Variants in MPZL1 observed in about 807,000 individuals in gnomAD.
MPZL1 encodes myelin protein zero like 1, also known as myelin protein zero-like protein 1.
In MPZL1, 16 loss-of-function variants were observed where a neutral mutation model predicts 29.3. The ratio of observed to expected loss-of-function variants is 0.55; its 90% CI spans 0.37 to 0.83. MPZL1 has a LOEUF of 0.83. MPZL1 is among the 40% of genes least tolerant of loss of function. The probability of loss-of-function intolerance (pLI) is 0.00; values close to 1 mark genes in which losing one functional copy is unlikely to be tolerated. For synonymous variants in MPZL1, 143 were observed against 132.0 expected (o/e 1.08, Z -0.57); for missense variants, 279 against 332.9 (o/e 0.84, Z 1.26).
At chr1:167,737,284 G>A (rs10918754) in intron 1 of MPZL1, among the ~76,000 whole-genome samples, 24,396 of 152,142 alleles carry the variant, frequency 0.16, 2,083 homozygotes, top group East Asian at 0.2. Context: ...TCAGAGCAGA[G>A]AGGGTGAAAA....
intron 3 of MPZL1, 42 bp from the exon 4 acceptor site, chr1:167,773,194 T>G (rs1473766651): frequency 6.3e-7 from 1 of 1,583,736 alleles, no homozygotes; most frequent in Non-Finnish European, 8.6e-7. Flanking sequence ...GTTTTCTCTC[T>G]GTAGCAATGT....
chr1:167,736,199 A>G (rs141204645), intron 1 of MPZL1, among the ~76,000 whole-genome samples: 104 of 152,120 alleles, frequency 6.8e-4, no homozygotes, highest in South Asian at 1.2e-3. Flanking sequence ...TGTGGCCCCA[A>G]TGTTGATTTT....
intron 1 of MPZL1, among the ~76,000 whole-genome samples, chr1:167,753,750 C>T (rs1970792): frequency 0.22 from 32,843 of 151,776 alleles, 3,850 homozygotes; most frequent in East Asian, 0.42. Context: ...CTACCTCAGT[C>T]TCCCAGGTAG....
chr1:167,753,004 G>A (rs940711860), intron 1 of MPZL1, among the ~76,000 whole-genome samples: 14 of 152,188 alleles, frequency 9.2e-5, no homozygotes, highest in African/African-American at 3.1e-4. Flanking sequence ...GTCTAACAGG[G>A]GAGCTGAAGT....
chr1:167,764,276 C>A (rs765215624), intron 1 of MPZL1, among the ~76,000 whole-genome samples: 1 of 152,028 alleles, frequency 6.6e-6, no homozygotes, highest in Non-Finnish European at 1.5e-5. Flanking sequence ...TTGGCAAATA[C>A]TTTTAACAGC....
chr1:167,728,067 T>G (rs34110003), intron 1 of MPZL1, among the ~76,000 whole-genome samples: 7,023 of 149,296 alleles, frequency 0.047, 218 homozygotes, highest in Middle Eastern at 0.087. Flanking sequence ...GAGGCAGAGT[T>G]TCACTCCTGT....
intron 2 of MPZL1, among the ~76,000 whole-genome samples, chr1:167,769,665 C>G (rs1345788803): frequency 1.3e-5 from 2 of 152,218 alleles, no homozygotes; most frequent in African/African-American, 4.8e-5. Context: ...GGTAAAATCT[C>G]AGACCCTTCA....
intron 2 of MPZL1, among the ~76,000 whole-genome samples, chr1:167,771,005 T>C (rs1420207606): frequency 6.6e-6 from 1 of 150,896 alleles, no homozygotes; most frequent in Admixed American, 6.6e-5. Flanking sequence ...TGCATTTCTT[T>C]TTTTTTTTTT....
chr1:167,766,088 T>TTA (rs59601499), intron 2 of MPZL1, among the ~76,000 whole-genome samples: 7,900 of 152,146 alleles, frequency 0.052, 678 homozygotes, highest in African/African-American at 0.18. Context: ...TTATCAAATT[T>TTA]TATATATATA....
At chr1:167,750,101 G>C (rs1356131690) in intron 1 of MPZL1, among the ~76,000 whole-genome samples, 1 of 152,160 alleles carries the variant, frequency 6.6e-6, no homozygotes, top group Non-Finnish European at 1.5e-5. Flanking sequence ...GTTTTATTTT[G>C]ATATAATTTC....
intron 1 of MPZL1, among the ~76,000 whole-genome samples, chr1:167,739,023 A>C (rs1029488586): frequency 2.0e-5 from 3 of 151,480 alleles, no homozygotes; most frequent in Admixed American, 2.0e-4. Context: ...GCTCACTGCA[A>C]CCTCCACCTC....
Position 167,765,692 on chromosome 1 carries a change from CGGG to C in MPZL1, c.202_204del (p.Gly68del). The C allele has an allele frequency of 1.9e-6, 3 of 1,613,026 alleles. No homozygotes were observed. On this transcript the variant is annotated inframe_deletion, in exon 2 of 6. Transcript: ENST00000359523. The stretch of plus-strand genomic sequence containing the variant: ...AGTTCAAGTCTACTAGTACGACTGG[CGGG>C]TTGACCTCAGTCTCCTGGAGCTTCC...
intron 1 of MPZL1, among the ~76,000 whole-genome samples, chr1:167,747,887 A>T (rs1334886178): frequency 6.6e-6 from 1 of 152,172 alleles, no homozygotes; most frequent in Non-Finnish European, 1.5e-5. Context: ...CCCATAAAGA[A>T]ACCTTATATC....
intron 1 of MPZL1, among the ~76,000 whole-genome samples, chr1:167,733,597 T>A (rs1412209128): frequency 6.6e-6 from 1 of 152,012 alleles, no homozygotes; most frequent in African/African-American, 2.4e-5. Context: ...ATACAAAAAT[T>A]AGCTGGGCGT....
intron 4 of MPZL1, 86 bp from the exon 5 acceptor site, chr1:167,775,978 C>A: frequency 3.7e-6 from 3 of 820,152 alleles, no homozygotes; most frequent in South Asian, 4.7e-5. Flanking sequence ...CTTCATCTTG[C>A]CGTCAGTTGC....
chr1:167,790,436 T>A lies in MPZL1; in HGVS notation c.*2515T>A, dbSNP rs988133169. 1 of 152,330 alleles carries A rather than the reference T, an allele frequency of 6.6e-6. No homozygotes were observed. The highest frequency in any genetic ancestry group is 1.5e-5 in the Non-Finnish European group (1 of 68,112). 9.4% of individuals were successfully genotyped at this position (152,330 alleles called of 1,614,324 possible). ...GGTGCTCTGCCAGGACAGGTTTCCC[T>A]GAAGGAAGCTGCTCACACTGAGATG... On this transcript the variant is annotated 3_prime_UTR_variant, in exon 6 of 6. Transcript: ENST00000359523.
intron 1 of MPZL1, among the ~76,000 whole-genome samples, chr1:167,763,747 A>G (rs16859595): frequency 0.16 from 24,876 of 152,082 alleles, 2,361 homozygotes; most frequent in East Asian, 0.35. Flanking sequence ...CCACAATAGC[A>G]AGGAACTCTT....
At chr1:167,775,165 G>A (rs1433378089) in intron 4 of MPZL1, among the ~76,000 whole-genome samples, 1 of 152,116 alleles carries the variant, frequency 6.6e-6, no homozygotes, top group Non-Finnish European at 1.5e-5. Flanking sequence ...GATCCTGACT[G>A]ATTATGTATT....
intron 5 of MPZL1, among the ~76,000 whole-genome samples, chr1:167,786,648 C>G (rs1174808794): frequency 6.6e-6 from 1 of 152,190 alleles, no homozygotes; most frequent in Non-Finnish European, 1.5e-5. Context: ...GGGCCTGTCC[C>G]TTCTGTAGAT....
Sources: gnomAD v4.1 joint callset for allele counts (sites outside exome capture counted in the v4.1 genomes callset) on GRCh38, gnomAD v4.1.1 for gene constraint, MANE v1.5 for transcripts, NCBI Gene and HGNC (gene_info 2026-07-23, HGNC 2026-07-21) for gene names.